EPB41L2: variants seen among roughly 807,000 people sequenced by gnomAD.
The protein encoded by EPB41L2 is erythrocyte membrane protein band 4.1 like 2.
Under a neutral mutation model 113.0 loss-of-function variants are expected in EPB41L2, and 43 were observed. The observed-to-expected ratio is 0.38, with a 90% CI of 0.30 to 0.49. The LOEUF is 0.49. Ranked by LOEUF, EPB41L2 falls within the 20% of genes least tolerant of loss-of-function variation. The probability of loss-of-function intolerance (pLI) is 0.95; values close to 1 mark genes in which losing one functional copy is unlikely to be tolerated. For synonymous variants in EPB41L2, 442 were observed against 436.7 expected (o/e 1.01, Z -0.15); for missense variants, 1,147 against 1,223.4 (o/e 0.94, Z 0.93).
chr6:130,899,470 T>TC (rs1360539302), intron 8 of EPB41L2, 21 bp downstream of exon 8: 1 of 1,599,386 alleles, frequency 6.3e-7, no homozygotes, highest in Admixed American at 1.7e-5. Flanking sequence ...ATGATGCTAC[T>TC]CCCCGTTACA....
intron 1 of EPB41L2, among the ~76,000 whole-genome samples, chr6:130,969,719 T>G (rs1226807948): frequency 6.6e-6 from 1 of 152,084 alleles, no homozygotes; most frequent in Non-Finnish European, 1.5e-5. Context: ...TCAAACAAGT[T>G]AGGGTGAAAA....
At chr6:131,014,052 A>G (rs1291753825) in intron 1 of EPB41L2, 1 of 124,532 alleles carries the variant, frequency 8.0e-6, no homozygotes, top group Non-Finnish European at 1.7e-5. Flanking sequence ...AAATAGTTAA[A>G]ATAGGTGTGA....
Position 130,903,216 on chromosome 6 carries a change from T to C in EPB41L2, c.929+1249A>G, listed in dbSNP as rs3777448. Among the ~76,000 whole-genome samples the C allele has an allele frequency of 0.02, 3,024 of 152,262 alleles. 197 individuals carry two copies. The East Asian group carries it at 0.26, about 13-fold the overall frequency. Reference sequence around the variant, plus strand: ...GAGTGTTGGGTCACAAAGCCCCAGTTACATGCATTGTTCAGAGGCACCCCT... The same window carrying C: ...GAGTGTTGGGTCACAAAGCCCCAGTCACATGCATTGTTCAGAGGCACCCCT... On this transcript the variant is annotated intron_variant, in intron 6 of 19. Transcript: ENST00000337057.
intron 19 of EPB41L2, among the ~76,000 whole-genome samples, chr6:130,854,836 C>G (rs945252155): frequency 6.6e-6 from 1 of 152,144 alleles, no homozygotes; most frequent in Non-Finnish European, 1.5e-5. Context: ...TAGCCTTCAG[C>G]CTTCTGACTC....
At chr6:130,994,401 G>A (rs1033747814) in intron 1 of EPB41L2, among the ~76,000 whole-genome samples, 5 of 152,130 alleles carry the variant, frequency 3.3e-5, no homozygotes, top group African/African-American at 1.2e-4. Context: ...ACAGGAGAGG[G>A]CAGGGCAGAG....
chr6:130,904,013 G>T (rs1410066327), intron 6 of EPB41L2, among the ~76,000 whole-genome samples: 4 of 152,144 alleles, frequency 2.6e-5, no homozygotes, highest in Non-Finnish European at 5.9e-5. Flanking sequence ...ACCTTGTTTG[G>T]TTCTGGAGGG....
intron 19 of EPB41L2, among the ~76,000 whole-genome samples, chr6:130,842,329 T>C (rs1325086349): frequency 1.3e-5 from 2 of 152,112 alleles, no homozygotes; most frequent in Non-Finnish European, 2.9e-5. Context: ...TAGAAAGTCT[T>C]TTTTTAGGTT....
At chr6:130,871,495 G>A (rs911318564) in intron 14 of EPB41L2, among the ~76,000 whole-genome samples, 1 of 152,154 alleles carries the variant, frequency 6.6e-6, no homozygotes, top group African/African-American at 2.4e-5. Flanking sequence ...ATAGACAGCA[G>A]GGCTGAGTTC....
chr6:130,946,412 T>A (rs1199139126), intron 3 of EPB41L2, among the ~76,000 whole-genome samples: 1 of 152,200 alleles, frequency 6.6e-6, no homozygotes, highest in Non-Finnish European at 1.5e-5. Flanking sequence ...GAAAATTCTG[T>A]GTGGCATAAA....
intron 19 of EPB41L2, among the ~76,000 whole-genome samples, chr6:130,846,202 C>A (rs533748267): frequency 4.6e-5 from 7 of 152,320 alleles, no homozygotes; most frequent in Admixed American, 4.6e-4. Flanking sequence ...CTTTTACTGT[C>A]TCCATCATTT....
At chr6:130,933,396 A>G (rs188382307) in intron 3 of EPB41L2, among the ~76,000 whole-genome samples, 1,890 of 152,342 alleles carry the variant, frequency 0.012, 25 homozygotes, top group Non-Finnish European at 0.021. Context: ...TATATTAAAT[A>G]TCAACAAGCT....
intron 1 of EPB41L2, among the ~76,000 whole-genome samples, chr6:131,016,477 AAC>A (rs10584309): frequency 0.12 from 16,820 of 143,308 alleles, 973 homozygotes; most frequent in Middle Eastern, 0.2. Flanking sequence ...TTAATAAGGA[AAC>A]ACACACACAC....
At chr6:130,937,048 C>T (rs1441867552) in intron 3 of EPB41L2, among the ~76,000 whole-genome samples, 1 of 152,224 alleles carries the variant, frequency 6.6e-6, no homozygotes, top group Non-Finnish European at 1.5e-5. Context: ...CCTGCTTTCA[C>T]ACATGCATAA....
chr6:130,926,567 T>C lies in EPB41L2; in HGVS notation c.810+38A>G, dbSNP rs759813522. ...AACTGGTTAATAAAAAAATACAATATGTTCTAAAAAGATAAAAATAAACTT... is the reference window on the plus strand; with the variant it reads ...AACTGGTTAATAAAAAAATACAATACGTTCTAAAAAGATAAAAATAAACTT... On this transcript the variant is annotated intron_variant, in intron 4 of 19. Transcript: ENST00000337057. The C allele has an allele frequency of 5.0e-6, 7 of 1,407,442 alleles. No individual in the cohort carries two copies. The East Asian group carries it at 1.4e-4, about 28-fold the overall frequency. The allele number at this position is 1,407,442 out of a possible 1,614,324, so 87.2% of individuals were successfully genotyped here. A position where few individuals can be genotyped will look rare whatever the true frequency, so the allele number is the denominator to read the frequency against.
At chr6:130,938,445 C>A (rs1483066035) in intron 3 of EPB41L2, among the ~76,000 whole-genome samples, 1 of 151,918 alleles carries the variant, frequency 6.6e-6, no homozygotes, top group Admixed American at 6.6e-5. Context: ...CTGGGTGAAT[C>A]TTTAAGGTCT....
chr6:130,925,751 T>C (rs986483324), intron 4 of EPB41L2, among the ~76,000 whole-genome samples: 1 of 152,168 alleles, frequency 6.6e-6, no homozygotes, highest in African/African-American at 2.4e-5. Context: ...CTAAAAAACC[T>C]AGTTTATTCA....
At chr6:130,930,073 C>T (rs1180712308) in intron 3 of EPB41L2, among the ~76,000 whole-genome samples, 1 of 152,024 alleles carries the variant, frequency 6.6e-6, no homozygotes, top group Non-Finnish European at 1.5e-5. Flanking sequence ...CAGAGTGAGA[C>T]AAGAAAAATT....
intron 18 of EPB41L2, among the ~76,000 whole-genome samples, chr6:130,861,342 G>T (rs959829434): frequency 6.6e-6 from 1 of 152,122 alleles, no homozygotes; most frequent in Non-Finnish European, 1.5e-5. Flanking sequence ...AAAGTGCTGA[G>T]ATTACAGGCG....
intron 1 of EPB41L2, among the ~76,000 whole-genome samples, chr6:130,989,851 G>C (rs1781420299): frequency 6.6e-6 from 1 of 152,156 alleles, no homozygotes; most frequent in Non-Finnish European, 1.5e-5. Context: ...CATGGCCAAA[G>C]ACATTTGGGA....
Sources: gnomAD v4.1 joint callset for allele counts (sites outside exome capture counted in the v4.1 genomes callset) on GRCh38, gnomAD v4.1.1 for gene constraint, MANE v1.5 for transcripts, NCBI Gene and HGNC (gene_info 2026-07-23, HGNC 2026-07-21) for gene names.